The following ERGIC1 variants were observed in gnomAD, a reference collection of about 807,000 sequenced individuals.
ERGIC1 encodes the protein endoplasmic reticulum-golgi intermediate compartment 1, also known as endoplasmic reticulum-Golgi intermediate compartment protein 1.
Under a neutral mutation model 38.3 loss-of-function variants are expected in ERGIC1, and 19 were observed. That is an observed-to-expected ratio of 0.50 (90% CI 0.35 to 0.73). ERGIC1 has a LOEUF of 0.73. Among genes scored for constraint, ERGIC1 ranks in the 30% least tolerant of loss-of-function variants. The probability of loss-of-function intolerance (pLI) is 0.01; values close to 1 mark genes in which losing one functional copy is unlikely to be tolerated. For missense variants in ERGIC1, 294 were observed against 389.2 expected (o/e 0.76, Z 2.06); for synonymous variants, 124 against 157.6 (o/e 0.79, Z 1.60).
chr5:172,843,278 T>TC (rs1761202296), intron 1 of ERGIC1, among the ~76,000 whole-genome samples: 1 of 152,266 alleles, frequency 6.6e-6, no homozygotes, highest in African/African-American at 2.4e-5. Flanking sequence ...AGTTGCGTTT[T>TC]CACTCCGTTA....
At chr5:172,842,980 C>G (rs1279891889) in intron 1 of ERGIC1, among the ~76,000 whole-genome samples, 1 of 152,094 alleles carries the variant, frequency 6.6e-6, no homozygotes, top group African/African-American at 2.4e-5. Context: ...CCCATCTCTA[C>G]TAAAAATACA....
intron 5 of ERGIC1, chr5:172,915,493 A>G (rs1160213872): frequency 2.0e-5 from 9 of 450,422 alleles, no homozygotes; most frequent in South Asian, 1.4e-4. Context: ...GGACCATTCA[A>G]GGTTCACTGT....
intron 1 of ERGIC1, among the ~76,000 whole-genome samples, chr5:172,862,636 T>G (rs1761745464): frequency 6.6e-6 from 1 of 152,222 alleles, no homozygotes; most frequent in Non-Finnish European, 1.5e-5. Flanking sequence ...TACTTATTGA[T>G]GTCAGGATAT....
chr5:172,886,439 C>T (rs1392536883), intron 1 of ERGIC1, among the ~76,000 whole-genome samples: 1 of 152,068 alleles, frequency 6.6e-6, no homozygotes, highest in Non-Finnish European at 1.5e-5. Flanking sequence ...TGAGTTAATC[C>T]AGCACCTCGT....
chr5:172,884,252 T>G (rs1002030060), intron 1 of ERGIC1, among the ~76,000 whole-genome samples: 2 of 116,904 alleles, frequency 1.7e-5, no homozygotes, highest in African/African-American at 2.7e-5. Flanking sequence ...AAGTTTTTTT[T>G]TTTTTTTTTT....
chr5:172,903,321 C>G (rs1762933811), intron 3 of ERGIC1, among the ~76,000 whole-genome samples: 1 of 152,132 alleles, frequency 6.6e-6, no homozygotes, highest in African/African-American at 2.4e-5. Context: ...GCACCTGGGC[C>G]CTGGTGGGAG....
intron 1 of ERGIC1, among the ~76,000 whole-genome samples, chr5:172,887,143 A>C (rs188364053): frequency 1.3e-5 from 2 of 152,200 alleles, no homozygotes; most frequent in Non-Finnish European, 2.9e-5. Context: ...CCCTTACGCA[A>C]GGTTTCCAAG....
At chr5:172,893,167 GAC>G (rs956932527) in intron 2 of ERGIC1, among the ~76,000 whole-genome samples, 72 of 152,226 alleles carry the variant, frequency 4.7e-4, no homozygotes, top group African/African-American at 1.7e-3. Flanking sequence ...TTTTTTTTGA[GAC>G]AGAATTTCAC....
At position 172,914,816 on chromosome 5, in the gene ERGIC1, AG is replaced by A. The variant is rs1381429810; in HGVS notation, c.357del (p.Gln120SerfsTer27). 6.2e-7 allele frequency: 1 copy of A among 1,614,142 alleles called. No individual in the cohort carries two copies. Among genetic ancestry groups the A allele is most frequent in the Admixed American group, 1.7e-5 (1 of 60,008 alleles). On this transcript the variant is annotated frameshift_variant, in exon 5 of 10. Coordinates refer to ENST00000393784, the MANE Select transcript of ERGIC1 (RefSeq NM_001031711.3). LOFTEE classifies it high-confidence loss of function. ...PLNNGAGCRFEGQFSINKVPG... is the reference protein window; with the variant it reads ...PLNNGAGCRFXGQFSINKVPG... ...AACAATGGGGCAGGCTGCCGCTTCG[AG>A]GGGCAGTTCAGCATCAACAAGGTAT...
At chr5:172,895,712 G>A (rs1746374251) in intron 2 of ERGIC1, among the ~76,000 whole-genome samples, 1 of 152,110 alleles carries the variant, frequency 6.6e-6, no homozygotes, top group South Asian at 2.1e-4. Context: ...GGACATGTGA[G>A]TCGGGCCTGG....
intron 1 of ERGIC1, among the ~76,000 whole-genome samples, chr5:172,849,274 C>A (rs981312031): frequency 2.0e-5 from 3 of 152,156 alleles, no homozygotes; most frequent in Non-Finnish European, 2.9e-5. Context: ...TGTGCTCTCT[C>A]TAGCAAACTG....
chr5:172,834,297 T>C lies in ERGIC1; in HGVS notation c.-117T>C, dbSNP rs1020905064. On this transcript the variant is annotated 5_prime_UTR_variant, in exon 1 of 10. Transcript: ENST00000393784. The surrounding 1 kb of genome is among the most constrained non-coding windows in gnomAD (Gnocchi z 4.1). ...AGTGGCGAGTGGCGAGTGGCGAGTG[T>C]CAGGGGGGCGGCCGGCGGGGGCGGG... 1.3e-5 allele frequency: 13 copies of C among 993,510 alleles called. No individual in the cohort carries two copies. In the African/African-American group the frequency reaches 1.6e-4, roughly 12 times the overall value. The allele number at this position is 993,510 out of a possible 1,614,324, so 61.5% of individuals were successfully genotyped here. A position where few individuals can be genotyped will look rare whatever the true frequency, so the allele number is the denominator to read the frequency against.
chr5:172,906,344 G>A (rs868034885), intron 3 of ERGIC1, among the ~76,000 whole-genome samples: 4 of 152,136 alleles, frequency 2.6e-5, no homozygotes, highest in Non-Finnish European at 2.9e-5. Flanking sequence ...TGACTCCGGG[G>A]ATGGGACACA....
intron 1 of ERGIC1, among the ~76,000 whole-genome samples, chr5:172,884,252 T>TTG (rs1308914049): frequency 2.6e-5 from 3 of 116,904 alleles, no homozygotes; most frequent in African/African-American, 5.5e-5. Flanking sequence ...AAGTTTTTTT[T>TTG]TTTTTTTTTT....
Position 172,839,580 on chromosome 5 carries a change from T to TAC in ERGIC1, c.20+5161_20+5162dup, listed in dbSNP as rs149002147. ...CCCTATCTCAAAACACACACACACA[T>TAC]ACACACACACACACATACACACACA... is the stretch of plus-strand genomic sequence containing the variant. On this transcript the variant is annotated intron_variant, in intron 1 of 9. Transcript: ENST00000393784. Among the ~76,000 whole-genome samples, 724 of 149,922 alleles carry TAC rather than the reference T, an allele frequency of 4.8e-3. 2 individuals are homozygous for TAC. Among genetic ancestry groups the TAC allele is most frequent in the Non-Finnish European group, 8.3e-3 (556 of 67,344 alleles).
chr5:172,844,544 C>T lies in ERGIC1; in HGVS notation c.20+10111C>T, dbSNP rs375911034. ...AGGACAAGCTCGGGGTGGGCAGGAC[C>T]TTGGGCTCGTGGGAGGTGGCCTGGT... On this transcript the variant is annotated intron_variant, in intron 1 of 9. Transcript: ENST00000393784. Among the ~76,000 whole-genome samples, 18 of 152,338 alleles carry T rather than the reference C, an allele frequency of 1.2e-4. No individual in the cohort carries two copies. In the East Asian group the frequency reaches 1.7e-3, roughly 15 times the overall value.
chr5:172,923,312 G>A (rs2113450186), intron 5 of ERGIC1, among the ~76,000 whole-genome samples: 1 of 145,508 alleles, frequency 6.9e-6, no homozygotes, highest in South Asian at 2.3e-4. Flanking sequence ...CTGGGAGGAG[G>A]AGGAGGGTTC....
At chr5:172,909,784 CCCTCCAGCAGGACA>C (rs1763161928) in intron 4 of ERGIC1, 23 bp downstream of exon 4, 6 of 1,604,596 alleles carry the variant, frequency 3.7e-6, no homozygotes, top group Admixed American at 1.7e-5. Context: ...CGCAGCCCCT[CCCTCCAGCAGGACA>C]CCTCCTTAGG....
At chr5:172,918,099 A>C (rs1763416757) in intron 5 of ERGIC1, 1 of 152,232 alleles carries the variant, frequency 6.6e-6, no homozygotes, top group Admixed American at 6.5e-5. Flanking sequence ...TAGAGGCTTC[A>C]GTGAGCTGAG....
Sources: allele counts gnomAD v4.1 joint callset (sites outside exome capture counted in the v4.1 genomes callset), GRCh38; gene constraint gnomAD v4.1.1; non-coding constraint Gnocchi (gnomAD v3.1); transcripts MANE v1.5; gene names NCBI Gene and HGNC (gene_info 2026-07-23, HGNC 2026-07-21).